Variants in WBP4 observed in about 807,000 individuals in gnomAD.
The protein encoded by WBP4 is WW domain-binding protein 4.
A neutral mutation model predicts 55.4 loss-of-function variants in WBP4; 37 were observed. The ratio of observed to expected loss-of-function variants is 0.67; its 90% CI spans 0.51 to 0.88. WBP4 has a LOEUF of 0.88. WBP4 is among the 40% of genes least tolerant of loss of function. The pLI is 0.00. For synonymous variants in WBP4, 142 were observed against 140.2 expected, an observed-to-expected ratio of 1.01 and a Z score of -0.09; for missense variants, 398 against 420.8, an observed-to-expected ratio of 0.95 and a Z score of 0.47.
chr13:41,076,481 T>C (rs1332463744), intron 8 of WBP4, among the ~76,000 whole-genome samples: 1 of 151,944 alleles, frequency 6.6e-6, no homozygotes, highest in Non-Finnish European at 1.5e-5. Flanking sequence ...GGTTTTACCA[T>C]GTTAATAACC....
At position 41,065,289 on chromosome 13, in the gene WBP4, TAAAAAA is replaced by T. The variant is rs58699334; in HGVS notation, c.262+18_262+23del. 574 of 1,262,520 alleles carry T rather than the reference TAAAAAA, an allele frequency of 4.5e-4. No individual in the cohort carries two copies. The highest frequency in any genetic ancestry group is 1.7e-3 in the Admixed American group (40 of 23,138). 78.2% of individuals were successfully genotyped at this position (1,262,520 alleles called of 1,614,324 possible). On this transcript the variant is annotated splice_donor_5th_base_variant and intron_variant, in intron 4 of 9. Coordinates refer to ENST00000379487, the MANE Select transcript of WBP4 (RefSeq NM_007187.5). ...TGAAAAGACTTGGCTTAGAGTCAGG[TAAAAAA>T]AAAAAAAAAAAAAAAGCAGCCAGCA...
In WBP4 at chr13:41,083,171, T is replaced by C; in HGVS notation, c.*257T>C. The C allele has an allele frequency of 2.9e-6, 1 of 343,786 alleles. No homozygotes were observed. The highest frequency in any genetic ancestry group is 5.1e-5 in the East Asian group (1 of 19,468). 21.3% of individuals were successfully genotyped at this position (343,786 alleles called of 1,614,324 possible). On this transcript the variant is annotated 3_prime_UTR_variant, in exon 10 of 10. Coordinates refer to ENST00000379487, the MANE Select transcript of WBP4 (RefSeq NM_007187.5). Reference sequence around the variant, plus strand: ...CTGCTAATTAAGTCATAATTTAAGATGCTATGTATCTGTTATTTAAAACAT... The same window carrying C: ...CTGCTAATTAAGTCATAATTTAAGACGCTATGTATCTGTTATTTAAAACAT...
chr13:41,061,964 C>T (rs745317149), intron 1 of WBP4: 20 of 901,466 alleles, frequency 2.2e-5, no homozygotes, highest in Non-Finnish European at 2.4e-5. Context: ...AGTGCTCTCT[C>T]TACGACGCTG....
At chr13:41,080,867 T>C (rs920560167) in intron 9 of WBP4, 58 bp downstream of exon 9, 5 of 1,521,730 alleles carry the variant, frequency 3.3e-6, no homozygotes, top group Non-Finnish European at 4.5e-6. Context: ...ATCCCAGTAC[T>C]TCCCTAAATT....
intron 5 of WBP4, among the ~76,000 whole-genome samples, chr13:41,069,915 G>GT (rs1878163898): frequency 6.7e-6 from 1 of 150,196 alleles, no homozygotes; most frequent in Non-Finnish European, 1.5e-5. Context: ...ACACAGTGTC[G>GT]TTTTACAGTA....
intron 9 of WBP4, among the ~76,000 whole-genome samples, chr13:41,081,672 G>A (rs1413333355): frequency 6.6e-6 from 1 of 152,112 alleles, no homozygotes. Context: ...TGGCCAGGCA[G>A]GTGCAGTGGC....
chr13:41,065,398 T>C, intron 4 of WBP4, 111 bp downstream of exon 4: 1 of 1,382,008 alleles, frequency 7.2e-7, no homozygotes, highest in Non-Finnish European at 9.5e-7. Flanking sequence ...CTCAGTGTAC[T>C]CTCAGTGCTT....
intron 8 of WBP4, among the ~76,000 whole-genome samples, chr13:41,078,556 G>T (rs748587698): frequency 2.0e-5 from 3 of 152,176 alleles, no homozygotes; most frequent in Non-Finnish European, 4.4e-5. Context: ...GGCCAGGCAT[G>T]GTGGCTCACA....
intron 5 of WBP4, among the ~76,000 whole-genome samples, chr13:41,071,129 CAT>C (rs1237722240): frequency 3.9e-5 from 6 of 152,184 alleles, no homozygotes; most frequent in Non-Finnish European, 5.9e-5. Flanking sequence ...CTCCATGATA[CAT>C]GTTTTTAATT....
intron 7 of WBP4, among the ~76,000 whole-genome samples, chr13:41,075,016 A>G (rs1455624505): frequency 6.6e-6 from 1 of 152,158 alleles, no homozygotes; most frequent in African/African-American, 2.4e-5. Flanking sequence ...ACTTGTGTGA[A>G]ATGTGGATTA....
At chr13:41,079,744 A>C (rs900078115) in intron 8 of WBP4, among the ~76,000 whole-genome samples, 1 of 152,206 alleles carries the variant, frequency 6.6e-6, no homozygotes, top group African/African-American at 2.4e-5. Context: ...ATCATTAAAC[A>C]GAAAAGATAC....
chr13:41,068,441 T>C, intron 4 of WBP4, 120 bp from the exon 5 acceptor site: 1 of 887,446 alleles, frequency 1.1e-6, no homozygotes, highest in East Asian at 2.8e-5. Context: ...TATAATAATG[T>C]GTTAAGTTCT....
rs547109483 is a variant in WBP4 at position 41,078,847 on chromosome 13, GAA to G, written c.757-1790_757-1789del. ...TGTCTCAAAAAAAGAAAAAGGAAAA[GAA>G]AAAAAAAATCCTAGAAGGAAATCTA... On this transcript the variant is annotated intron_variant, in intron 8 of 9. Transcript: ENST00000379487. Among the ~76,000 whole-genome samples, 4 of 146,082 alleles carry G rather than the reference GAA, an allele frequency of 2.7e-5. No individual in the cohort carries two copies. In the East Asian group the frequency reaches 7.9e-4, roughly 29 times the overall value.
chr13:41,068,583 A>G lies in WBP4; in HGVS notation c.285A>G (p.Thr95=), dbSNP rs970252573. The part of the protein sequence containing the change: ...LESEILEPSI[T]PVTSTIPPTS... ...TAGAAATTTTGGAGCCAAGCATAAC[A>G]CCAGTAACCAGCACTATCCCACCTA... is the stretch of plus-strand genomic sequence containing the variant. The change falls in exon 5 of 10, where the codon ACA becomes ACG. Residue 95 remains threonine, a synonymous_variant. Coordinates refer to ENST00000379487, the MANE Select transcript of WBP4 (RefSeq NM_007187.5). 9 of 1,607,712 alleles carry G rather than the reference A, an allele frequency of 5.6e-6. No individual in the cohort carries two copies. Among genetic ancestry groups the G allele is most frequent in the Non-Finnish European group, 6.8e-6 (8 of 1,177,934 alleles).
chr13:41,080,194 C>T (rs1280810227), intron 8 of WBP4, among the ~76,000 whole-genome samples: 1 of 152,006 alleles, frequency 6.6e-6, no homozygotes, highest in Non-Finnish European at 1.5e-5. Flanking sequence ...CGCATTTGTG[C>T]CCCCTAAGTT....
At position 41,065,111 on chromosome 13, in the gene WBP4, A is replaced by G. The variant is rs745490108; in HGVS notation, c.138+33A>G. 13 of 1,601,062 alleles carry G rather than the reference A, an allele frequency of 8.1e-6. No homozygotes were observed. In the East Asian group the frequency reaches 1.6e-4, roughly 19 times the overall value. On this transcript the variant is annotated intron_variant, in intron 3 of 9. Transcript: ENST00000379487. ...AGATTGTTTATTTGCTAATTTTTCTATGCAAATGTCAGTCCTTTATCTCAC... is the reference window on the plus strand; with the variant it reads ...AGATTGTTTATTTGCTAATTTTTCTGTGCAAATGTCAGTCCTTTATCTCAC...
Position 41,065,288 on chromosome 13 carries a change from G to GAAAA in WBP4, c.262+1_262+2insAAAA. On this transcript the variant is annotated splice_donor_variant, in intron 4 of 9. Transcript: ENST00000379487. LOFTEE classifies it high-confidence loss of function. The stretch of plus-strand genomic sequence containing the variant: ...TTGAAAAGACTTGGCTTAGAGTCAG[G>GAAAA]TAAAAAAAAAAAAAAAAAAAAAGCA... 1.7e-6 allele frequency: 2 copies of GAAAA among 1,172,522 alleles called. No homozygotes were observed. Among genetic ancestry groups the GAAAA allele is most frequent in the East Asian group, 2.9e-5 (1 of 34,868 alleles). The allele number at this position is 1,172,522 out of a possible 1,614,324, so 72.6% of individuals were successfully genotyped here. A position where few individuals can be genotyped will look rare whatever the true frequency, so the allele number is the denominator to read the frequency against.
At chr13:41,067,303 A>G (rs1324341973) in intron 4 of WBP4, among the ~76,000 whole-genome samples, 1 of 152,204 alleles carries the variant, frequency 6.6e-6, no homozygotes, top group African/African-American at 2.4e-5. Context: ...CTATCAAACT[A>G]ATACTGGATT....
rs552006282 is a variant in WBP4 at position 41,067,503 on chromosome 13, G to A, written c.263-1058G>A. ...CAAGACCAACCTAGCAAGATGGTGAGACCCCACCTCTACTACAATATAAAA... is the reference window on the plus strand; with the variant it reads ...CAAGACCAACCTAGCAAGATGGTGAAACCCCACCTCTACTACAATATAAAA... On this transcript the variant is annotated intron_variant, in intron 4 of 9. Transcript: ENST00000379487. Among the ~76,000 whole-genome samples the A allele has an allele frequency of 3.9e-5, 6 of 152,154 alleles. No individual in the cohort carries two copies. In the South Asian group the frequency reaches 1.2e-3, roughly 32 times the overall value.
Sources: gnomAD v4.1 joint callset for allele counts (sites outside exome capture counted in the v4.1 genomes callset) on GRCh38, gnomAD v4.1.1 for gene constraint, MANE v1.5 for transcripts, NCBI Gene and HGNC (gene_info 2026-07-23, HGNC 2026-07-21) for gene names.